SHROOM2: variants seen among roughly 807,000 people sequenced by gnomAD.
The protein encoded by SHROOM2 is shroom family member 2, also known as protein Shroom2.
SHROOM2 carries 33 observed loss-of-function variants against 75.9 expected under a neutral mutation model. The observed-to-expected ratio is 0.43, with a 90% confidence interval of 0.33 to 0.58. SHROOM2 has a LOEUF of 0.58. Ranked by LOEUF, SHROOM2 falls within the 20% of genes least tolerant of loss-of-function variation. SHROOM2 has a pLI of 0.04. For synonymous variants in SHROOM2, 655 were observed against 663.6 expected (o/e 0.99, Z 0.20); for missense variants, 1,434 against 1,461.2 (o/e 0.98, Z 0.30).
intron 1 of SHROOM2, among the ~76,000 whole-genome samples, chrX:9,851,453 TTTTTTC>T (rs1384191986): frequency 2.3e-4 from 17 of 74,901 alleles, no homozygotes; most frequent in East Asian, 8.5e-4. Flanking sequence ...TTGCTTTTTT[TTTTTTC>T]TTTTTTTTTT....
At chrX:9,837,585 C>G (rs2083953649) in intron 1 of SHROOM2, among the ~76,000 whole-genome samples, 1 of 112,436 alleles carries the variant, frequency 8.9e-6, no homozygotes, top group African/African-American at 3.2e-5. Context: ...GGGAGGCTCA[C>G]AGGAGAGTGG....
intron 5 of SHROOM2, among the ~76,000 whole-genome samples, chrX:9,931,193 T>G (rs1478545268): frequency 2.7e-5 from 3 of 111,033 alleles, no homozygotes; most frequent in African/African-American, 9.8e-5. Flanking sequence ...AAGCCTGTGC[T>G]GTGTCTTCAG....
intron 1 of SHROOM2, among the ~76,000 whole-genome samples, chrX:9,846,413 G>A (rs745481776): frequency 9.8e-5 from 11 of 112,356 alleles, no homozygotes; most frequent in Non-Finnish European, 1.7e-4. Context: ...TGCTGCCTCA[G>A]CCTCCTGAGT....
intron 1 of SHROOM2, among the ~76,000 whole-genome samples, chrX:9,828,873 G>C (rs763281264): frequency 1.2e-4 from 14 of 112,458 alleles, no homozygotes; most frequent in African/African-American, 4.5e-4. Flanking sequence ...CACCTCAGCA[G>C]GGTGTAGCGT....
chrX:9,795,367 A>G (rs1601909462), intron 1 of SHROOM2, among the ~76,000 whole-genome samples: 1 of 111,624 alleles, frequency 9.0e-6, no homozygotes, highest in East Asian at 2.8e-4. Context: ...CTTTCCATTA[A>G]GTTTTAAATG....
intron 1 of SHROOM2, among the ~76,000 whole-genome samples, chrX:9,861,686 A>T (rs1357792790): frequency 1.8e-5 from 2 of 112,190 alleles, no homozygotes; most frequent in South Asian, 3.7e-4. Flanking sequence ...TTTCACTGTT[A>T]TCCTCCTGGT....
chrX:9,932,761 C>G lies in SHROOM2; in HGVS notation c.3478C>G (p.Arg1160Gly). ...ALLPPKQQHLRLQTATMETSR... is the reference protein window; with the variant it reads ...ALLPPKQQHLGLQTATMETSR... ...GCTCCCTCCCAAGCAGCAGCACCTGCGCCTGCAGACGGCCACCATGGAGAC... is the reference window on the plus strand; with the variant it reads ...GCTCCCTCCCAAGCAGCAGCACCTGGGCCTGCAGACGGCCACCATGGAGAC... The change falls in exon 6 of 10, where the codon CGC becomes GGC. Residue 1160 changes from arginine (R) to glycine (G), a missense_variant. By Grantham distance (125) the Arg-to-Gly change is moderately radical (BLOSUM62 -2). Around this residue, in one of 3 missense-constraint regions of SHROOM2, gnomAD observed 1,340 missense variants for 1,338.3 expected, o/e 1.00. Coordinates refer to ENST00000380913, the MANE Select transcript of SHROOM2 (RefSeq NM_001649.4). 1 of 1,210,346 alleles carries G rather than the reference C, an allele frequency of 8.3e-7. No individual in the cohort carries two copies. The highest frequency in any genetic ancestry group is 2.3e-4 in the Middle Eastern group (1 of 4,355).
chrX:9,802,746 C>T (rs751534509), intron 1 of SHROOM2, among the ~76,000 whole-genome samples: 15 of 110,731 alleles, frequency 1.4e-4, no homozygotes, highest in East Asian at 2.8e-4. Context: ...ATGGGATGAA[C>T]GACTGCACAT....
rs1032749452 is a variant in SHROOM2, at chrX:9,813,380, G to A, written c.165+26670G>A. Reference sequence around the variant, plus strand: ...ACCTCCATAAGCCCCTACTTCAACTGGAGGACCACAGTGACGTTTTGGCTC... The same window carrying A: ...ACCTCCATAAGCCCCTACTTCAACTAGAGGACCACAGTGACGTTTTGGCTC... On this transcript the variant is annotated intron_variant, in intron 1 of 9. Transcript: ENST00000380913. Among the ~76,000 whole-genome samples, 6 of 111,454 alleles carry A rather than the reference G, an allele frequency of 5.4e-5. No homozygotes were observed. In the East Asian group the frequency reaches 1.7e-3, roughly 31 times the overall value.
intron 1 of SHROOM2, among the ~76,000 whole-genome samples, chrX:9,845,782 G>A (rs745426648): frequency 3.7e-5 from 4 of 108,917 alleles, no homozygotes; most frequent in Middle Eastern, 4.6e-3. Flanking sequence ...CTGCAGTGTC[G>A]CAACCCCTTC....
At position 9,834,650 on chromosome X, in the gene SHROOM2, A is replaced by ATTTATTTT. The variant is rs1344512335; in HGVS notation, c.166-38999_166-38998insATTTTTTT. On this transcript the variant is annotated intron_variant, in intron 1 of 9. Coordinates refer to ENST00000380913, the MANE Select transcript of SHROOM2 (RefSeq NM_001649.4). ...TATTTATTTATTTATTTATTTATTTATTTTCTTTGAGACAACATCTCACAA... is the reference window on the plus strand; with the variant it reads ...TATTTATTTATTTATTTATTTATTTATTTATTTTTTTTCTTTGAGACAACATCTCACAA... Among the ~76,000 whole-genome samples, 6 of 17,800 alleles carry ATTTATTTT rather than the reference A, an allele frequency of 3.4e-4. 1 individual carries two copies. The highest frequency in any genetic ancestry group is 6.9e-4 in the African/African-American group (6 of 8,702). 15.5% of individuals were successfully genotyped at this position (17,800 alleles called of 115,157 possible). A position where few individuals can be genotyped will look rare whatever the true frequency, so the allele number is the denominator to read the frequency against.
rs769533165 is a variant in SHROOM2 at position 9,939,234 on chromosome X, C to T, written c.4179C>T (p.Ala1393=). Residue 1393 remains alanine, a synonymous_variant, in exon 8 of 10, where the codon GCC becomes GCT. Transcript: ENST00000380913. ...GCGTGCCTGCGGCCGTGTCCCTGGC[C>T]ACCAATTCTACCTACTACAGCACGT... is the stretch of plus-strand genomic sequence containing the variant. ...EPSVPAAVSL[A]TNSTYYSTSA... The T allele has an allele frequency of 1.7e-6, 2 of 1,208,027 alleles. No individual in the cohort carries two copies. The highest frequency in any genetic ancestry group is 1.8e-5 in the South Asian group (1 of 56,262).
intron 1 of SHROOM2, among the ~76,000 whole-genome samples, chrX:9,827,858 A>G (rs1481835682): frequency 9.0e-6 from 1 of 110,707 alleles, no homozygotes; most frequent in African/African-American, 3.3e-5. Context: ...CTAGCGAAGG[A>G]CCTAGCAGGT....
intron 1 of SHROOM2, among the ~76,000 whole-genome samples, chrX:9,824,372 A>T (rs2083877606): frequency 9.0e-6 from 1 of 111,073 alleles, no homozygotes; most frequent in African/African-American, 3.3e-5. Flanking sequence ...TGGGAGGCGG[A>T]GGTTGCAGTG....
In SHROOM2 at chrX:9,939,266, C is replaced by G; in HGVS notation, c.4211C>G (p.Pro1404Arg). The G allele has an allele frequency of 1.7e-6, 2 of 1,210,060 alleles. No individual in the cohort carries two copies. Among genetic ancestry groups the G allele is most frequent in the South Asian group, 3.5e-5 (2 of 56,500 alleles). ...TNSTYYSTSA[P>R]KAELLIKMKD... ...TCTACCTACTACAGCACGTCGGCCC[C>G]CAAGGCGGAGCTGCTGATCAAGATG... Residue 1404 changes from proline to arginine, a missense_variant, in exon 8 of 10, where the codon CCC (proline) becomes CGC (arginine). By Grantham distance (103) the Pro-to-Arg change is moderately radical (BLOSUM62 -2). Transcript: ENST00000380913.
At chrX:9,942,444 C>T (rs5934723) in intron 8 of SHROOM2, among the ~76,000 whole-genome samples, 6,999 of 111,637 alleles carry the variant, frequency 0.063, 178 homozygotes, top group Middle Eastern at 0.11. Flanking sequence ...CTGCACCCCC[C>T]ACACACACCA....
chrX:9,908,093 A>T (rs1438254923), intron 5 of SHROOM2, among the ~76,000 whole-genome samples: 1 of 112,633 alleles, frequency 8.9e-6, no homozygotes, highest in Non-Finnish European at 1.9e-5. Flanking sequence ...TTGCAACATG[A>T]TATCCATCTC....
At chrX:9,937,836 C>CT (rs1317179003) in intron 7 of SHROOM2, 151 bp downstream of exon 7, 5 of 511,669 alleles carry the variant, frequency 9.8e-6, no homozygotes, top group South Asian at 3.8e-5. Context: ...CACTTTTTGG[C>CT]TTTTTTGTGA....
At chrX:9,822,646 G>A (rs2083858977) in intron 1 of SHROOM2, among the ~76,000 whole-genome samples, 1 of 112,796 alleles carries the variant, frequency 8.9e-6, no homozygotes. Flanking sequence ...GCTGAGCAGG[G>A]ATCAGTCCTG....
Sources: allele counts gnomAD v4.1 joint callset (sites outside exome capture counted in the v4.1 genomes callset), GRCh38; gene constraint gnomAD v4.1.1; regional missense constraint gnomAD v4.1.1; transcripts MANE v1.5; gene names NCBI Gene and HGNC (gene_info 2026-07-23, HGNC 2026-07-21).